Variants in FAT4 observed in about 807,000 individuals in gnomAD.
FAT4 encodes FAT atypical cadherin 4.
A neutral mutation model predicts 303.9 loss-of-function variants in FAT4; 84 were observed. The ratio of observed to expected loss-of-function variants is 0.28; its 90% CI spans 0.23 to 0.33. The LOEUF is 0.33. Ranked by LOEUF, FAT4 falls within the 10% of genes least tolerant of loss-of-function variation. The pLI is 1.00. For missense variants in FAT4, 6,005 were observed against 6,146.8 expected (o/e 0.98, Z 0.77); for synonymous variants, 2,307 against 2,298.8 (o/e 1.00, Z -0.10).
At chr4:125,331,557 C>T (rs1387338862) in intron 2 of FAT4, among the ~76,000 whole-genome samples, 3 of 152,128 alleles carry the variant, frequency 2.0e-5, no homozygotes, top group Non-Finnish European at 4.4e-5. Context: ...ACCACTAATG[C>T]TATAGATGTT....
intron 7 of FAT4, among the ~76,000 whole-genome samples, chr4:125,424,013 C>T (rs1403796342): frequency 6.6e-6 from 1 of 152,158 alleles, no homozygotes; most frequent in Non-Finnish European, 1.5e-5. Flanking sequence ...TTTACAGGCT[C>T]ATAGGTGGAA....
At chr4:125,402,548 A>G (rs1734428285) in intron 3 of FAT4, among the ~76,000 whole-genome samples, 1 of 152,062 alleles carries the variant, frequency 6.6e-6, no homozygotes. Flanking sequence ...ATTAAATTTA[A>G]ATGTGCTTTG....
In FAT4 at chr4:125,488,988, G is replaced by C. The variant is rs1727507054; in HGVS notation, c.13085-913G>C. Among the ~76,000 whole-genome samples, 3 of 152,056 alleles carry C rather than the reference G, an allele frequency of 2.0e-5. No individual in the cohort carries two copies. The South Asian group carries it at 6.2e-4, about 31-fold the overall frequency. On this transcript the variant is annotated intron_variant, in intron 17 of 17. Transcript: ENST00000394329. ...AACAAAAAGAAAAGATGTCACAAAA[G>C]CTCATGGAAAAAATATATCAAGAAT... is the stretch of plus-strand genomic sequence containing the variant.
chr4:125,451,048 G>A lies in FAT4; in HGVS notation c.10038G>A (p.Lys3346=). 1 of 1,614,020 alleles carries A rather than the reference G, an allele frequency of 6.2e-7. No individual in the cohort carries two copies. Among genetic ancestry groups the A allele is most frequent in the Non-Finnish European group, 8.5e-7 (1 of 1,179,978 alleles). The part of the protein sequence containing the change: ...HYLIFGNSRK[K]GFQINKKTGQ... ...TGATTTTTGGTAATAGTCGAAAGAA[G>A]GGTTTCCAGATCAATAAGAAGACTG... Residue 3346 remains lysine (K), a synonymous_variant, in exon 10 of 18, where the codon AAG becomes AAA. Coordinates refer to ENST00000394329, the MANE Select transcript of FAT4 (RefSeq NM_001291303.3).
chr4:125,346,535 G>C (rs1228876991), intron 2 of FAT4, among the ~76,000 whole-genome samples: 4 of 149,514 alleles, frequency 2.7e-5, no homozygotes. Flanking sequence ...ATTTTTTTTT[G>C]AAAAAGTAAA....
intron 2 of FAT4, among the ~76,000 whole-genome samples, chr4:125,334,063 C>A (rs1375519859): frequency 1.3e-5 from 2 of 151,962 alleles, no homozygotes; most frequent in Non-Finnish European, 2.9e-5. Context: ...ATATAACACA[C>A]TTAGTTGGCA....
At chr4:125,365,508 C>T (rs1732844069) in intron 2 of FAT4, among the ~76,000 whole-genome samples, 1 of 151,994 alleles carries the variant, frequency 6.6e-6, no homozygotes, top group Non-Finnish European at 1.5e-5. Context: ...CTATTCATAC[C>T]ACCATTTCTG....
At chr4:125,366,718 G>T (rs1018318692) in intron 2 of FAT4, among the ~76,000 whole-genome samples, 1 of 152,024 alleles carries the variant, frequency 6.6e-6, no homozygotes, top group East Asian at 1.9e-4. Context: ...TCCCACCTAC[G>T]GTGTACACAT....
At chr4:125,418,509 A>T (rs1005016480) in intron 7 of FAT4, among the ~76,000 whole-genome samples, 33 of 152,210 alleles carry the variant, frequency 2.2e-4, no homozygotes, top group Non-Finnish European at 4.7e-4. Flanking sequence ...CCACAGTATC[A>T]TATGTATGCA....
Position 125,450,147 on chromosome 4 carries a change from C to T in FAT4, c.9137C>T (p.Ala3046Val), listed in dbSNP as rs775075654. ...LDNDTGWISV[A>V]SSLISDLNQN... is the part of the protein sequence containing the mutation. Reference sequence around the variant, plus strand: ...AATGATACGGGGTGGATTTCAGTAGCATCCTCCCTGATTTCTGACTTGAAC... The same window carrying T: ...AATGATACGGGGTGGATTTCAGTAGTATCCTCCCTGATTTCTGACTTGAAC... Residue 3046 changes from alanine (A) to valine (V), a missense_variant, in exon 10 of 18, where the codon GCA becomes GTA. Transcript: ENST00000394329. The T allele has an allele frequency of 1.9e-6, 3 of 1,613,720 alleles. No homozygotes were observed. Among genetic ancestry groups the T allele is most frequent in the Admixed American group, 3.3e-5 (2 of 59,996 alleles).
intron 2 of FAT4, among the ~76,000 whole-genome samples, chr4:125,356,537 G>GTTTTTTTTTT (rs1432744389): frequency 8.4e-6 from 1 of 118,730 alleles, no homozygotes; most frequent in African/African-American, 3.1e-5. Flanking sequence ...GATATAGGGT[G>GTTTTTTTTTT]TTTTGTTTTT....
intron 2 of FAT4, among the ~76,000 whole-genome samples, chr4:125,375,279 CTTT>C (rs1269548437): frequency 6.6e-6 from 1 of 152,160 alleles, no homozygotes; most frequent in African/African-American, 2.4e-5. Context: ...TGGCAACCTT[CTTT>C]ATCTTAAAAT....
chr4:125,464,310 T>G (rs1213329421), intron 11 of FAT4, among the ~76,000 whole-genome samples: 3 of 152,140 alleles, frequency 2.0e-5, no homozygotes, highest in African/African-American at 7.2e-5. Flanking sequence ...AACTAAAAGA[T>G]TCCTTCCAGG....
In FAT4 at chr4:125,427,122, A is replaced by G. The variant is rs190243566; in HGVS notation, c.7019-7123A>G. Among the ~76,000 whole-genome samples, 259 of 151,940 alleles carry G rather than the reference A, an allele frequency of 1.7e-3. 1 individual carries two copies. Among genetic ancestry groups the G allele is most frequent in the African/African-American group, 5.7e-3 (237 of 41,554 alleles). On this transcript the variant is annotated intron_variant, in intron 7 of 17. Transcript: ENST00000394329. ...TTTTGGGTTTCTTTAATGTCCTCCA[A>G]ATAGTAATTCCTCATATGTGCTTTT... is the stretch of plus-strand genomic sequence containing the variant.
intron 8 of FAT4, among the ~76,000 whole-genome samples, chr4:125,435,375 A>T (rs1725416985): frequency 6.6e-6 from 1 of 152,326 alleles, no homozygotes; most frequent in African/African-American, 2.4e-5. Flanking sequence ...TAGGTAAATT[A>T]GAGTTGGTTA....
intron 14 of FAT4, among the ~76,000 whole-genome samples, chr4:125,479,028 C>T (rs1350021728): frequency 2.6e-5 from 4 of 152,050 alleles, no homozygotes; most frequent in Admixed American, 1.3e-4. Context: ...CCATGTTGGG[C>T]CTCGGTGTTT....
intron 16 of FAT4, among the ~76,000 whole-genome samples, chr4:125,486,263 T>G (rs1260930393): frequency 2.8e-5 from 4 of 140,776 alleles, no homozygotes; most frequent in Admixed American, 7.2e-5. Context: ...GAATTTTCTG[T>G]TTTTTTTTTT....
At chr4:125,369,581 C>A (rs1412716273) in intron 2 of FAT4, among the ~76,000 whole-genome samples, 1 of 152,158 alleles carries the variant, frequency 6.6e-6, no homozygotes, top group Admixed American at 6.5e-5. Flanking sequence ...TAAAGTCTGG[C>A]CTTGCCATTG....
intron 3 of FAT4, among the ~76,000 whole-genome samples, chr4:125,404,484 A>G (rs1734510531): frequency 6.6e-6 from 1 of 152,152 alleles, no homozygotes. Flanking sequence ...CCACTCTAAC[A>G]CACTGTTCAA....
Sources: allele counts gnomAD v4.1 joint callset (sites outside exome capture counted in the v4.1 genomes callset), GRCh38; gene constraint gnomAD v4.1.1; transcripts MANE v1.5; gene names NCBI Gene and HGNC (gene_info 2026-07-23, HGNC 2026-07-21).